MAST2: variants seen among roughly 807,000 people sequenced by gnomAD.
MAST2 encodes the protein microtubule-associated serine/threonine-protein kinase 2.
Under a neutral mutation model 147.4 loss-of-function variants are expected in MAST2, and 70 were observed. The ratio of observed to expected loss-of-function variants is 0.47; its 90% CI spans 0.39 to 0.58. MAST2 has a LOEUF of 0.58. Ranked by LOEUF, MAST2 falls within the 20% of genes least tolerant of loss-of-function variation. The pLI is 0.00. For synonymous variants in MAST2, 869 were observed against 896.8 expected, an observed-to-expected ratio of 0.97 and a Z score of 0.55; for missense variants, 2,080 against 2,302.3, an observed-to-expected ratio of 0.90 and a Z score of 1.98.
At chr1:45,847,119 C>A in intron 3 of MAST2, 1 of 494,128 alleles carries the variant, frequency 2.0e-6, no homozygotes, top group Non-Finnish European at 4.1e-6. Context: ...ATCATTAGCA[C>A]AGATTTTTCT....
intron 4 of MAST2, among the ~76,000 whole-genome samples, chr1:45,882,648 A>G (rs574051136): frequency 1.3e-5 from 2 of 152,200 alleles, no homozygotes; most frequent in African/African-American, 2.4e-5. Context: ...GAAAGTTACA[A>G]CTTAAATATT....
intron 3 of MAST2, among the ~76,000 whole-genome samples, chr1:45,858,133 T>C (rs563311016): frequency 2.6e-4 from 39 of 152,272 alleles, no homozygotes; most frequent in Non-Finnish European, 5.1e-4. Context: ...TACCCAGTAA[T>C]GGGATTACTG....
intron 3 of MAST2, among the ~76,000 whole-genome samples, chr1:45,854,686 C>G (rs963136690): frequency 7.9e-5 from 12 of 152,134 alleles, no homozygotes; most frequent in African/African-American, 2.7e-4. Context: ...CAACACAGGA[C>G]CCTTCTGACA....
Position 45,917,592 on chromosome 1 carries a change from C to A in MAST2, c.500+35197C>A, listed in dbSNP as rs983957302. 3 of 1,249,946 alleles carry A rather than the reference C, an allele frequency of 2.4e-6. No homozygotes were observed. The African/African-American group carries it at 4.6e-5, about 19-fold the overall frequency. 77.4% of individuals were successfully genotyped at this position (1,249,946 alleles called of 1,614,324 possible). ...AATTGCTTCTGGCCAAATGGTAAAACGCATACCTTACTCCTTAATAATGGG... is the reference window on the plus strand; with the variant it reads ...AATTGCTTCTGGCCAAATGGTAAAAAGCATACCTTACTCCTTAATAATGGG... On this transcript the variant is annotated intron_variant, in intron 4 of 28. Transcript: ENST00000361297.
intron 4 of MAST2, among the ~76,000 whole-genome samples, chr1:45,888,685 TTTTTTTTTTTTTTTG>T (rs1286331229): frequency 6.5e-5 from 4 of 61,438 alleles, no homozygotes; most frequent in East Asian, 1.2e-3. Flanking sequence ...TTTTTTTTTT[TTTTTTTTTTTTTTTG>T]AGATGGAGTC....
intron 3 of MAST2, among the ~76,000 whole-genome samples, chr1:45,855,554 G>A (rs1645759956): frequency 1.3e-5 from 2 of 151,880 alleles, no homozygotes; most frequent in African/African-American, 2.4e-5. Flanking sequence ...TTTCAAGTGG[G>A]GTTGAAATTT....
rs1342100436 is a variant in MAST2 at position 46,035,704 on chromosome 1, G to A, written c.5035G>A (p.Gly1679Arg). 1.9e-6 allele frequency: 3 copies of A among 1,613,906 alleles called. No homozygotes were observed. The highest frequency in any genetic ancestry group is 2.2e-5 in the South Asian group (2 of 91,082). ...SPSRKATMAG[G>R]LANLQDLENT... is the part of the protein sequence containing the mutation. ...AAGCAGAAAGGCAACCATGGCAGGT[G>A]GGCTAGCCAACCTCCAGGATTTGGA... Residue 1679 changes from glycine to arginine, a missense_variant, in exon 29 of 29, where the codon GGG becomes AGG. Physicochemically the swap from Gly to Arg is moderately radical, Grantham distance 125 (BLOSUM62 -2). Coordinates refer to ENST00000361297, the MANE Select transcript of MAST2 (RefSeq NM_015112.3). The surrounding 1 kb of genome is among the most constrained non-coding windows in gnomAD (Gnocchi z 5.5).
chr1:45,936,072 A>C (rs1656144155), intron 4 of MAST2, among the ~76,000 whole-genome samples: 1 of 152,158 alleles, frequency 6.6e-6, no homozygotes, highest in African/African-American at 2.4e-5. Context: ...GACTTCTTTC[A>C]GCAGTGTTTT....
At chr1:45,929,850 A>T (rs532033133) in intron 4 of MAST2, among the ~76,000 whole-genome samples, 2 of 152,176 alleles carry the variant, frequency 1.3e-5, no homozygotes, top group African/African-American at 4.8e-5. Flanking sequence ...TAGAACTGGG[A>T]TAGCTGAGTC....
intron 3 of MAST2, among the ~76,000 whole-genome samples, chr1:45,854,077 G>A (rs1165579561): frequency 1.3e-5 from 2 of 152,108 alleles, no homozygotes; most frequent in East Asian, 3.9e-4. Context: ...AGTGGCTCAT[G>A]CCTGTAATCT....
intron 10 of MAST2, among the ~76,000 whole-genome samples, chr1:46,015,213 A>G (rs549041326): frequency 3.9e-5 from 6 of 151,954 alleles, no homozygotes; most frequent in Admixed American, 2.0e-4. Context: ...AATGCCCACA[A>G]GAGAAAGCAG....
At position 46,035,054 on chromosome 1, in the gene MAST2, G is replaced by T; in HGVS notation, c.4385G>T (p.Gly1462Val). 1 of 1,613,908 alleles carries T rather than the reference G, an allele frequency of 6.2e-7. No individual in the cohort carries two copies. The highest frequency in any genetic ancestry group is 8.5e-7 in the Non-Finnish European group (1 of 1,180,000). Residue 1462 changes from glycine (G) to valine (V), a missense_variant, in exon 29 of 29, where the codon GGG becomes GTG. By Grantham distance (109) the Gly-to-Val change is moderately radical. This residue lies in a region of MAST2 where 1,278 missense variants were observed against 1,304.2 expected (regional missense o/e 0.98). Transcript: ENST00000361297. The surrounding 1 kb of genome is among the most constrained non-coding windows in gnomAD (Gnocchi z 5.5). Reference protein sequence around the residue: ...VGARSVLSGKGALPGKGVLQP... With the variant: ...VGARSVLSGKVALPGKGVLQP... ...GCCAGGAGTGTGCTGTCTGGCAAGG[G>T]GGCCCTGCCAGGGAAGGGGGTGCTG...
At chr1:45,965,521 GT>G (rs1661058912) in intron 5 of MAST2, among the ~76,000 whole-genome samples, 1 of 152,050 alleles carries the variant, frequency 6.6e-6, no homozygotes, top group Admixed American at 6.6e-5. Context: ...TTTAAAGTCT[GT>G]TTTATCAGAG....
At chr1:45,953,059 T>G (rs1659161106) in intron 4 of MAST2, among the ~76,000 whole-genome samples, 1 of 152,190 alleles carries the variant, frequency 6.6e-6, no homozygotes, top group Non-Finnish European at 1.5e-5. Flanking sequence ...GGATTGGAGT[T>G]AAAAGCGATC....
chr1:45,917,180 T>C (rs6687301), intron 4 of MAST2, among the ~76,000 whole-genome samples: 51,610 of 152,202 alleles, frequency 0.34, 9,138 homozygotes, highest in African/African-American at 0.43. Flanking sequence ...GTTGTCATCC[T>C]GTACCAACAT....
At chr1:45,878,064 C>T (rs912369976) in intron 3 of MAST2, among the ~76,000 whole-genome samples, 1 of 151,946 alleles carries the variant, frequency 6.6e-6, no homozygotes, top group Admixed American at 6.6e-5. Context: ...ATTAGCCAGG[C>T]ATGGTGGCAC....
At chr1:45,837,042 T>C (rs1332503649) in intron 3 of MAST2, among the ~76,000 whole-genome samples, 2 of 152,202 alleles carry the variant, frequency 1.3e-5, no homozygotes, top group African/African-American at 4.8e-5. Flanking sequence ...AATCTAATGC[T>C]GTGCTGCTGA....
chr1:46,032,544 C>T (rs1646713684), intron 25 of MAST2, 52 bp from the exon 26 acceptor site: 7 of 1,605,408 alleles, frequency 4.4e-6, no homozygotes, highest in Non-Finnish European at 5.1e-6. Flanking sequence ...GAACCAGGCC[C>T]CATACTTCGT....
At chr1:45,856,288 C>T (rs1295174193) in intron 3 of MAST2, among the ~76,000 whole-genome samples, 5 of 151,798 alleles carry the variant, frequency 3.3e-5, no homozygotes, top group East Asian at 1.9e-4. Flanking sequence ...AGCAATATCC[C>T]GTATCTAAAA....
Sources: allele counts gnomAD v4.1 joint callset (sites outside exome capture counted in the v4.1 genomes callset), GRCh38; gene constraint gnomAD v4.1.1; regional missense constraint gnomAD v4.1.1; non-coding constraint Gnocchi (gnomAD v3.1); transcripts MANE v1.5; gene names NCBI Gene and HGNC (gene_info 2026-07-23, HGNC 2026-07-21).